MICU3: variants seen among roughly 807,000 people sequenced by gnomAD.
MICU3 encodes the protein mitochondrial calcium uptake 3.
In MICU3, 62 loss-of-function variants were observed where a neutral mutation model predicts 66.5. The ratio of observed to expected loss-of-function variants is 0.93; its 90% CI spans 0.76 to 1.15. The LOEUF (loss-of-function observed/expected upper bound fraction) is 1.15. MICU3 is among the 50% of genes most tolerant of loss of function. The pLI, the probability that MICU3 is intolerant of heterozygous loss-of-function variation, is 0.00. For synonymous variants in MICU3, 308 were observed against 240.7 expected (o/e 1.28, Z -2.59); for missense variants, 779 against 664.4 (o/e 1.17, Z -1.90).
At chr8:17,108,569 G>A (rs181822559) in intron 11 of MICU3, among the ~76,000 whole-genome samples, 27 of 152,006 alleles carry the variant, frequency 1.8e-4, no homozygotes, top group African/African-American at 6.3e-4. Flanking sequence ...CACATTCTAC[G>A]TACAATCAGT....
At chr8:17,056,121 G>C (rs1563303918) in intron 1 of MICU3, among the ~76,000 whole-genome samples, 1 of 152,126 alleles carries the variant, frequency 6.6e-6, no homozygotes, top group African/African-American at 2.4e-5. Context: ...TCTTCTATCC[G>C]AATCCCCTGT....
At chr8:17,041,535 T>C (rs936761740) in intron 1 of MICU3, among the ~76,000 whole-genome samples, 2 of 151,832 alleles carry the variant, frequency 1.3e-5, no homozygotes, top group Admixed American at 1.3e-4. Flanking sequence ...TTGACAGCCA[T>C]ATCAAGAATT....
intron 11 of MICU3, among the ~76,000 whole-genome samples, chr8:17,106,656 G>A (rs921604454): frequency 1.3e-5 from 2 of 151,204 alleles, no homozygotes; most frequent in South Asian, 4.2e-4. Context: ...ATTTCTAGAA[G>A]TATCTTAAGC....
intron 1 of MICU3, among the ~76,000 whole-genome samples, chr8:17,047,224 G>A (rs1815238821): frequency 6.6e-6 from 1 of 152,174 alleles, no homozygotes; most frequent in Non-Finnish European, 1.5e-5. Flanking sequence ...TGTAAATATA[G>A]CCATTGGAGG....
At chr8:17,040,068 TG>T (rs1813798539) in intron 1 of MICU3, among the ~76,000 whole-genome samples, 1 of 151,972 alleles carries the variant, frequency 6.6e-6, no homozygotes, top group Non-Finnish European at 1.5e-5. Context: ...CCAGCACGCC[TG>T]GCTAATTTTT....
the MICU3 span, among the ~76,000 whole-genome samples, chr8:17,130,934 T>A: frequency 6.6e-6 from 1 of 152,230 alleles, no homozygotes; most frequent in South Asian, 2.1e-4. Flanking sequence ...CTTGAAAATA[T>A]GTATTTTATA....
intron 9 of MICU3, 116 bp from the exon 10 acceptor site, chr8:17,104,275 T>G (rs1360270482): frequency 7.0e-6 from 3 of 430,550 alleles, no homozygotes; most frequent in African/African-American, 6.2e-5. Context: ...CTAATATTAA[T>G]ATATTTACAT....
At chr8:17,027,792 G>A (rs1220994346) in intron 1 of MICU3, 132 bp downstream of exon 1, 3 of 1,140,728 alleles carry the variant, frequency 2.6e-6, no homozygotes, top group Non-Finnish European at 3.3e-6. Flanking sequence ...GAGCGAGGCT[G>A]ACACCTAGGC....
At chr8:17,099,442 C>G (rs1401006003) in intron 9 of MICU3, among the ~76,000 whole-genome samples, 1 of 151,720 alleles carries the variant, frequency 6.6e-6, no homozygotes, top group African/African-American at 2.4e-5. Flanking sequence ...CTTCTGTTAT[C>G]CATATATACA....
chr8:17,099,848 T>C (rs1221709157), intron 9 of MICU3, among the ~76,000 whole-genome samples: 2 of 151,744 alleles, frequency 1.3e-5, no homozygotes, highest in Non-Finnish European at 2.9e-5. Flanking sequence ...CATACTAGAG[T>C]ATCCACCTTC....
In MICU3 at chr8:17,079,262, G is replaced by C. The variant is rs566866254; in HGVS notation, c.646+1401G>C. Among the ~76,000 whole-genome samples the C allele has an allele frequency of 3.3e-5, 5 of 152,214 alleles. No homozygotes were observed. In the East Asian group the frequency reaches 7.8e-4, roughly 24 times the overall value. ...AGCCGCATATGGCTGTTGAGCACTTGAAATGTGTCTAGCGTAACTGAGGAA... is the reference window on the plus strand; with the variant it reads ...AGCCGCATATGGCTGTTGAGCACTTCAAATGTGTCTAGCGTAACTGAGGAA... On this transcript the variant is annotated intron_variant, in intron 4 of 14. Transcript: ENST00000318063.
chr8:17,111,896 CTG>C (rs1363594991), intron 11 of MICU3, among the ~76,000 whole-genome samples: 7 of 152,104 alleles, frequency 4.6e-5, no homozygotes, highest in East Asian at 3.9e-4. Flanking sequence ...TTCTACATGG[CTG>C]GGGAGGCCTG....
chr8:17,108,751 T>A (rs1222763086), intron 11 of MICU3, among the ~76,000 whole-genome samples: 1 of 152,158 alleles, frequency 6.6e-6, no homozygotes, highest in African/African-American at 2.4e-5. Context: ...GCATTTAGAA[T>A]TCACGGAAAT....
rs12677705 is a variant in MICU3, at chr8:17,030,830, A to G, written c.381+3170A>G. ...TAGCAAATATTAATACCTTACTTCTATTTGGTCTCTGCAGAACTCAGGTAG... is the reference window on the plus strand; with the variant it reads ...TAGCAAATATTAATACCTTACTTCTGTTTGGTCTCTGCAGAACTCAGGTAG... On this transcript the variant is annotated intron_variant, in intron 1 of 14. Transcript: ENST00000318063. Among the ~76,000 whole-genome samples, 3,082 of 152,126 alleles carry G rather than the reference A, an allele frequency of 0.02. 163 individuals are homozygous for G. In the East Asian group the frequency reaches 0.22, roughly 11 times the overall value.
chr8:17,038,952 C>CA lies in MICU3; in HGVS notation c.381+11307dup, dbSNP rs57441494. Reference sequence around the variant, plus strand: ...TGGGCGACAGAGCGAGACTCTGTCTCAAAAAAAAAAAAAAATAAATAAATA... The same window carrying CA: ...TGGGCGACAGAGCGAGACTCTGTCTCAAAAAAAAAAAAAAAATAAATAAATA... On this transcript the variant is annotated intron_variant, in intron 1 of 14. Coordinates refer to ENST00000318063, the MANE Select transcript of MICU3 (RefSeq NM_181723.3). Among the ~76,000 whole-genome samples the CA allele has an allele frequency of 5.5e-3, 658 of 120,090 alleles. 5 individuals are homozygous for CA. In the Middle Eastern group the frequency reaches 0.056, roughly 10 times the overall value. The allele number at this position is 120,090 out of a possible 152,430, so 78.8% of individuals were successfully genotyped here.
intron 1 of MICU3, among the ~76,000 whole-genome samples, chr8:17,037,694 A>G (rs1306489224): frequency 1.3e-5 from 2 of 152,174 alleles, no homozygotes; most frequent in African/African-American, 2.4e-5. Context: ...CCAGAATGGT[A>G]AATCCACCAA....
intron 1 of MICU3, among the ~76,000 whole-genome samples, chr8:17,037,480 A>C (rs908647145): frequency 3.9e-5 from 6 of 152,228 alleles, no homozygotes; most frequent in African/African-American, 1.4e-4. Flanking sequence ...CAGAAGGTGC[A>C]AGCCCTAAGC....
At chr8:17,132,906 A>G in the MICU3 span, 2 of 152,182 alleles carry the variant, frequency 1.3e-5, no homozygotes, top group Non-Finnish European at 1.5e-5. Flanking sequence ...TGAGAGTGGA[A>G]CCCTCATAAA....
At chr8:17,053,124 A>G (rs1585243169) in intron 1 of MICU3, among the ~76,000 whole-genome samples, 1 of 152,154 alleles carries the variant, frequency 6.6e-6, no homozygotes, top group African/African-American at 2.4e-5. Flanking sequence ...GGTGAATACA[A>G]ATGATTTTAA....
Sources: gnomAD v4.1 joint callset for allele counts (sites outside exome capture counted in the v4.1 genomes callset) on GRCh38, gnomAD v4.1.1 for gene constraint, MANE v1.5 for transcripts, NCBI Gene and HGNC (gene_info 2026-07-23, HGNC 2026-07-21) for gene names.